The following CSMD3 variants were observed in gnomAD, a reference collection of about 807,000 sequenced individuals.
The protein encoded by CSMD3 is CUB and Sushi multiple domains 3.
A neutral mutation model predicts 435.2 loss-of-function variants in CSMD3; 177 were observed. The observed-to-expected ratio is 0.41, with a 90% confidence interval of 0.36 to 0.46. The LOEUF is 0.46. Among genes scored for constraint, CSMD3 ranks in the 20% least tolerant of loss-of-function variants. CSMD3 has a pLI of 0.34. For missense variants in CSMD3, 4,265 were observed against 4,504.6 expected (o/e 0.95, Z 1.52); for synonymous variants, 1,656 against 1,520.5 (o/e 1.09, Z -2.07).
chr8:113,208,194 C>T (rs1383470253), intron 3 of CSMD3, among the ~76,000 whole-genome samples: 1 of 152,130 alleles, frequency 6.6e-6, no homozygotes, highest in African/African-American at 2.4e-5. Flanking sequence ...CATATTAAGT[C>T]CCCATTAATG....
intron 61 of CSMD3, among the ~76,000 whole-genome samples, chr8:112,260,744 G>A (rs916530693): frequency 6.6e-6 from 1 of 151,892 alleles, no homozygotes; most frequent in African/African-American, 2.4e-5. Flanking sequence ...TTTTAAGGGC[G>A]AATTACGTGA....
At position 112,737,026 on chromosome 8, in the gene CSMD3, C is replaced by T. The variant is rs191410284; in HGVS notation, c.1973-46976G>A. On this transcript the variant is annotated intron_variant, in intron 13 of 70. Transcript: ENST00000297405. ...CTTTAATATTGTTAATATTTATCTCCGTGCTCACTTTAGAAAAGTTGAGGC... is the reference window on the plus strand; with the variant it reads ...CTTTAATATTGTTAATATTTATCTCTGTGCTCACTTTAGAAAAGTTGAGGC... Among the ~76,000 whole-genome samples, 316 of 151,878 alleles carry T rather than the reference C, an allele frequency of 2.1e-3. 1 individual carries two copies. The highest frequency in any genetic ancestry group is 7.3e-3 in the African/African-American group (303 of 41,496).
At chr8:113,286,275 G>T (rs944611611) in intron 2 of CSMD3, among the ~76,000 whole-genome samples, 12 of 151,964 alleles carry the variant, frequency 7.9e-5, no homozygotes, top group African/African-American at 1.7e-4. Flanking sequence ...ACTTAGAAAT[G>T]ATAACGATAT....
At chr8:112,964,626 G>A (rs549316247) in intron 7 of CSMD3, among the ~76,000 whole-genome samples, 136 of 151,986 alleles carry the variant, frequency 8.9e-4, no homozygotes, top group South Asian at 2.1e-3. Flanking sequence ...CTTTCTAAAG[G>A]GAAAGTTCAG....
chr8:113,170,480 T>C (rs2092247909), intron 4 of CSMD3, among the ~76,000 whole-genome samples: 2 of 152,174 alleles, frequency 1.3e-5, no homozygotes, highest in South Asian at 4.1e-4. Context: ...GTTCTTGCTC[T>C]ATATAGTTTG....
chr8:112,744,601 C>T (rs2077386472), intron 13 of CSMD3, among the ~76,000 whole-genome samples: 3 of 151,728 alleles, frequency 2.0e-5, no homozygotes, highest in Admixed American at 1.3e-4. Flanking sequence ...ACAACTCTGT[C>T]CTTAATATAG....
chr8:112,606,519 T>C (rs1207185564), intron 22 of CSMD3, among the ~76,000 whole-genome samples: 1 of 152,158 alleles, frequency 6.6e-6, no homozygotes, highest in Non-Finnish European at 1.5e-5. Flanking sequence ...AGAAACACTG[T>C]ACTTGAACTA....
intron 10 of CSMD3, among the ~76,000 whole-genome samples, chr8:112,918,677 A>G (rs2082643122): frequency 6.6e-6 from 1 of 151,956 alleles, no homozygotes; most frequent in South Asian, 2.1e-4. Flanking sequence ...TACTTTGTAT[A>G]CATAACCCAT....
intron 1 of CSMD3, among the ~76,000 whole-genome samples, chr8:113,320,070 A>G (rs1457389215): frequency 6.6e-6 from 1 of 152,050 alleles, no homozygotes; most frequent in Non-Finnish European, 1.5e-5. Flanking sequence ...CATTTAGGCC[A>G]TTGCTACAAA....
chr8:112,270,185 T>C (rs762888908), intron 59 of CSMD3, among the ~76,000 whole-genome samples: 1 of 152,222 alleles, frequency 6.6e-6, no homozygotes, highest in Non-Finnish European at 1.5e-5. Context: ...CCAACATCTC[T>C]ACTATGGCCA....
At chr8:113,011,537 C>A (rs1175854852) in intron 6 of CSMD3, among the ~76,000 whole-genome samples, 1 of 151,738 alleles carries the variant, frequency 6.6e-6, no homozygotes, top group African/African-American at 2.4e-5. Flanking sequence ...ATTGCCAAAT[C>A]TAAGGATTAG....
At chr8:112,343,468 C>T (rs1057136207) in intron 41 of CSMD3, among the ~76,000 whole-genome samples, 3 of 152,100 alleles carry the variant, frequency 2.0e-5, no homozygotes, top group African/African-American at 7.2e-5. Context: ...CTCTCAATAA[C>T]GTTCTGCTTT....
At chr8:112,633,885 C>A (rs538035574) in intron 22 of CSMD3, among the ~76,000 whole-genome samples, 1 of 152,070 alleles carries the variant, frequency 6.6e-6, no homozygotes, top group East Asian at 1.9e-4. Context: ...AAATTTAAAA[C>A]CTCATCTGGG....
In CSMD3 at chr8:112,427,427, C is replaced by A. The variant is rs374268149; in HGVS notation, c.5396-18395G>T. 7.2e-4 allele frequency among the ~76,000 whole-genome samples: 110 copies of A among 152,190 alleles called. 2 individuals are homozygous for A. The South Asian group carries it at 0.022, about 30-fold the overall frequency. Reference sequence around the variant, plus strand: ...TGATGTTTTCATAAGGGGTTTACTGCCCCTCTCCTTCACACTGCATTTCTC... The same window carrying A: ...TGATGTTTTCATAAGGGGTTTACTGACCCTCTCCTTCACACTGCATTTCTC... On this transcript the variant is annotated intron_variant, in intron 32 of 70. Coordinates refer to ENST00000297405, the MANE Select transcript of CSMD3 (RefSeq NM_198123.2).
intron 1 of CSMD3, among the ~76,000 whole-genome samples, chr8:113,367,654 T>A (rs1224157508): frequency 1.3e-5 from 2 of 152,112 alleles, no homozygotes; most frequent in African/African-American, 4.8e-5. Context: ...GCTCTCTTCT[T>A]GCGTCTGGCT....
intron 1 of CSMD3, among the ~76,000 whole-genome samples, chr8:113,322,894 C>T (rs150037541): frequency 0.031 from 4,729 of 151,962 alleles, 91 homozygotes; most frequent in Admixed American, 0.04. Flanking sequence ...TACAGGTGCC[C>T]GCCACCATGC....
intron 5 of CSMD3, among the ~76,000 whole-genome samples, chr8:113,086,468 T>A (rs954097859): frequency 1.3e-5 from 2 of 152,044 alleles, no homozygotes; most frequent in African/African-American, 4.8e-5. Flanking sequence ...GTGTGAAAAA[T>A]AACAATTCTT....
intron 1 of CSMD3, among the ~76,000 whole-genome samples, chr8:113,388,092 T>G (rs2094446868): frequency 6.6e-6 from 1 of 151,702 alleles, no homozygotes. Flanking sequence ...CATTAATTTA[T>G]TCATTCCACC....
At chr8:113,085,817 G>C (rs1216714393) in intron 5 of CSMD3, among the ~76,000 whole-genome samples, 1 of 152,162 alleles carries the variant, frequency 6.6e-6, no homozygotes. Flanking sequence ...TAATGAATAT[G>C]AAATTACATC....
Sources: allele counts gnomAD v4.1 joint callset (sites outside exome capture counted in the v4.1 genomes callset), GRCh38; gene constraint gnomAD v4.1.1; transcripts MANE v1.5; gene names NCBI Gene and HGNC (gene_info 2026-07-23, HGNC 2026-07-21).